ANKFY1: variants seen among roughly 807,000 people sequenced by gnomAD.
The protein encoded by ANKFY1 is ankyrin repeat and FYVE domain-containing protein 1.
ANKFY1 carries 47 observed loss-of-function variants against 128.3 expected under a neutral mutation model. The observed-to-expected ratio is 0.37, with a 90% CI of 0.29 to 0.47. The LOEUF (loss-of-function observed/expected upper bound fraction) is 0.47, where lower values mean the gene tolerates loss of function less well. Ranked by LOEUF, ANKFY1 falls within the 20% of genes least tolerant of loss-of-function variation. The probability of loss-of-function intolerance (pLI) is 1.00; values close to 1 mark genes in which losing one functional copy is unlikely to be tolerated. For synonymous variants in ANKFY1, 553 were observed against 601.6 expected (o/e 0.92, Z 1.18); for missense variants, 1,222 against 1,510.6 (o/e 0.81, Z 3.17).
At chr17:4,175,713 A>G (rs2059400629) in intron 19 of ANKFY1, among the ~76,000 whole-genome samples, 1 of 152,178 alleles carries the variant, frequency 6.6e-6, no homozygotes, top group South Asian at 2.1e-4. Context: ...GGGACTCTCC[A>G]TACGGGACGT....
At chr17:4,177,038 G>A in intron 19 of ANKFY1, 88 bp downstream of exon 19, 1 of 1,341,730 alleles carries the variant, frequency 7.5e-7, no homozygotes, top group Non-Finnish European at 9.8e-7. Flanking sequence ...CACAACACCG[G>A]GCAAAGCACC....
At chr17:4,236,561 A>C (rs1010163462) in intron 2 of ANKFY1, among the ~76,000 whole-genome samples, 102 of 152,146 alleles carry the variant, frequency 6.7e-4, no homozygotes, top group African/African-American at 2.3e-3. Flanking sequence ...TTTATGTTTA[A>C]CTCTGAAATG....
At chr17:4,253,183 T>C (rs1407693715) in intron 1 of ANKFY1, among the ~76,000 whole-genome samples, 2 of 152,122 alleles carry the variant, frequency 1.3e-5, no homozygotes, top group East Asian at 1.9e-4. Context: ...ATCAAGCCAC[T>C]GCACTCCAGC....
At chr17:4,230,658 G>A (rs1368657886) in intron 3 of ANKFY1, among the ~76,000 whole-genome samples, 1 of 151,980 alleles carries the variant, frequency 6.6e-6, no homozygotes, top group Non-Finnish European at 1.5e-5. Context: ...GGGTTTAACA[G>A]ACAAAAATTA....
chr17:4,220,097 T>C (rs1354749365), intron 3 of ANKFY1, among the ~76,000 whole-genome samples: 7 of 152,206 alleles, frequency 4.6e-5, no homozygotes, highest in Admixed American at 4.6e-4. Context: ...AGTGCTGGGA[T>C]TACAGGCGTG....
intron 7 of ANKFY1, among the ~76,000 whole-genome samples, chr17:4,205,748 A>AG (rs2060011857): frequency 6.6e-6 from 1 of 151,816 alleles, no homozygotes; most frequent in African/African-American, 2.4e-5. Context: ...TCTCAAAAAA[A>AG]AAAAAAGATT....
intron 3 of ANKFY1, among the ~76,000 whole-genome samples, chr17:4,219,876 C>G (rs908496284): frequency 6.6e-6 from 1 of 152,036 alleles, no homozygotes; most frequent in Non-Finnish European, 1.5e-5. Flanking sequence ...GGCTGGAGTG[C>G]AGTGGCGCGA....
At chr17:4,206,894 C>T (rs978957113) in intron 6 of ANKFY1, among the ~76,000 whole-genome samples, 1 of 152,130 alleles carries the variant, frequency 6.6e-6, no homozygotes, top group African/African-American at 2.4e-5. Flanking sequence ...ACTGGACACC[C>T]GGGATAAAAC....
Position 4,238,121 on chromosome 17 carries a change from C to G in ANKFY1, c.204-2231G>C, listed in dbSNP as rs998908477. On this transcript the variant is annotated intron_variant, in intron 2 of 24. Transcript: ENST00000341657. Reference sequence around the variant, plus strand: ...ACTAGGAGTTTGAGACCAGCCTGGGCAACAGAGTGAGACTCTGTCTCTTAT... The same window carrying G: ...ACTAGGAGTTTGAGACCAGCCTGGGGAACAGAGTGAGACTCTGTCTCTTAT... 8.2e-5 allele frequency among the ~76,000 whole-genome samples: 10 copies of G among 121,960 alleles called. No homozygotes were observed. The Admixed American group carries it at 9.4e-4, about 11-fold the overall frequency. 80.0% of individuals were successfully genotyped at this position (121,960 alleles called of 152,430 possible).
At chr17:4,217,221 T>G in intron 3 of ANKFY1, 103 bp from the exon 4 acceptor site, 1 of 1,298,474 alleles carries the variant, frequency 7.7e-7, no homozygotes, top group Non-Finnish European at 1.1e-6. Context: ...AATGACAGTA[T>G]ACCCAACTTA....
At chr17:4,214,371 G>A (rs547145530) in intron 4 of ANKFY1, among the ~76,000 whole-genome samples, 2 of 152,028 alleles carry the variant, frequency 1.3e-5, no homozygotes, top group African/African-American at 4.8e-5. Context: ...CAAGGAACAC[G>A]TAATCTTATT....
chr17:4,167,721 G>T lies in ANKFY1; in HGVS notation c.*58C>A. The T allele has an allele frequency of 6.5e-7, 1 of 1,539,112 alleles. No individual in the cohort carries two copies. The highest frequency in any genetic ancestry group is 8.8e-7 in the Non-Finnish European group (1 of 1,138,544). Reference sequence around the variant, plus strand: ...GCTCTGGGTGGGGTCAGGCTGGTGAGCAGAGCAGCTGCTGGGGAGGTGACC... The same window carrying T: ...GCTCTGGGTGGGGTCAGGCTGGTGATCAGAGCAGCTGCTGGGGAGGTGACC... On this transcript the variant is annotated 3_prime_UTR_variant, in exon 25 of 25. Coordinates refer to ENST00000341657, the MANE Select transcript of ANKFY1 (RefSeq NM_001330063.2). This position sits in a 1 kb window ranked among gnomAD's most constrained non-coding sequence, Gnocchi z 4.1.
At chr17:4,174,534 T>C (rs961887257) in intron 19 of ANKFY1, among the ~76,000 whole-genome samples, 3 of 152,270 alleles carry the variant, frequency 2.0e-5, no homozygotes, top group South Asian at 4.1e-4. Context: ...GAAGATAGTA[T>C]GATTCCATCT....
Position 4,179,867 on chromosome 17 carries a change from C to A in ANKFY1, c.2251G>T (p.Val751Leu), listed in dbSNP as rs1182345507. ...ACFLIRSGCD[V>L]NSPRQPGANG... ...GCGCCTGGTTGTCTGGGACTGTTCA[C>A]GTCACAGCCACTGAAAGGAATGGGG... The change falls in exon 17 of 25, where the codon GTG (valine) becomes TTG (leucine). Residue 751 changes from valine (V) to leucine (L), a missense_variant. Val to Leu is a conservative substitution (Grantham distance 32). Coordinates refer to ENST00000341657, the MANE Select transcript of ANKFY1 (RefSeq NM_001330063.2). 15 of 1,614,048 alleles carry A rather than the reference C, an allele frequency of 9.3e-6. No homozygotes were observed. Among genetic ancestry groups the A allele is most frequent in the Non-Finnish European group, 1.2e-5 (14 of 1,180,050 alleles).
intron 3 of ANKFY1, chr17:4,223,337 C>G: frequency 6.5e-7 from 1 of 1,541,158 alleles, no homozygotes; most frequent in Admixed American, 1.7e-5. Context: ...GGCAATTTCT[C>G]AACAAGACCT....
intron 8 of ANKFY1, among the ~76,000 whole-genome samples, chr17:4,196,227 A>G (rs572562122): frequency 1.7e-4 from 26 of 151,872 alleles, no homozygotes; most frequent in African/African-American, 6.0e-4. Flanking sequence ...AAAAAATGAA[A>G]GAATCAACAG....
rs1180139605 is a variant in ANKFY1, at chr17:4,178,085, G to A, written c.2598+772C>T. 6.6e-6 allele frequency: 1 copy of A among 152,486 alleles called. No individual in the cohort carries two copies. The highest frequency in any genetic ancestry group is 1.5e-5 in the Non-Finnish European group (1 of 68,218). 9.4% of individuals were successfully genotyped at this position (152,486 alleles called of 1,614,324 possible). On this transcript the variant is annotated intron_variant, in intron 18 of 24. Coordinates refer to ENST00000341657, the MANE Select transcript of ANKFY1 (RefSeq NM_001330063.2). This position sits in a 1 kb window ranked among gnomAD's most constrained non-coding sequence, Gnocchi z 4.1. ...CAGTTTCACACTGGAGAGAAGAAAC[G>A]GGAGAGGCCATTTCACACCACCTGA... is the stretch of plus-strand genomic sequence containing the variant.
chr17:4,252,123 A>G (rs180865028), intron 1 of ANKFY1, among the ~76,000 whole-genome samples: 154 of 152,260 alleles, frequency 1.0e-3, no homozygotes, highest in African/African-American at 3.4e-3. Context: ...GAGCAAAAAA[A>G]CTGGAGAGTT....
At chr17:4,204,660 A>G (rs901309566) in intron 7 of ANKFY1, among the ~76,000 whole-genome samples, 1 of 152,234 alleles carries the variant, frequency 6.6e-6, no homozygotes, top group Non-Finnish European at 1.5e-5. Context: ...ATCATCAAAC[A>G]TAAGAATTAA....
Sources: allele counts gnomAD v4.1 joint callset (sites outside exome capture counted in the v4.1 genomes callset), GRCh38; gene constraint gnomAD v4.1.1; non-coding constraint Gnocchi (gnomAD v3.1); transcripts MANE v1.5; gene names NCBI Gene and HGNC (gene_info 2026-07-23, HGNC 2026-07-21).